Variants in SMOC2 observed in about 807,000 individuals in gnomAD.
The protein encoded by SMOC2 is SPARC-related modular calcium-binding protein 2.
A neutral mutation model predicts 61.4 loss-of-function variants in SMOC2; 39 were observed. The ratio of observed to expected loss-of-function variants is 0.64; its 90% CI spans 0.49 to 0.83. The LOEUF (loss-of-function observed/expected upper bound fraction) is 0.83, where lower values mean the gene tolerates loss of function less well. Ranked by LOEUF, SMOC2 falls within the 40% of genes least tolerant of loss-of-function variation. SMOC2 has a pLI of 0.00. For synonymous variants in SMOC2, 247 were observed against 239.9 expected (o/e 1.03, Z -0.27); for missense variants, 556 against 592.9 (o/e 0.94, Z 0.65).
intron 9 of SMOC2, among the ~76,000 whole-genome samples, chr6:168,649,072 G>A (rs1787124820): frequency 6.6e-6 from 1 of 152,130 alleles, no homozygotes; most frequent in Non-Finnish European, 1.5e-5. Context: ...TGTTGCCTGA[G>A]GAGTCCAGAG....
chr6:168,494,175 C>T (rs536158405), intron 1 of SMOC2, among the ~76,000 whole-genome samples: 6 of 152,314 alleles, frequency 3.9e-5, no homozygotes, highest in Admixed American at 2.6e-4. Flanking sequence ...TCCTTCTACA[C>T]GCTCTGAGTG....
At chr6:168,617,788 T>C (rs1203026234) in intron 9 of SMOC2, among the ~76,000 whole-genome samples, 1 of 152,256 alleles carries the variant, frequency 6.6e-6, no homozygotes, top group East Asian at 1.9e-4. Context: ...TTGTGACCGA[T>C]GGGGCCCCTC....
chr6:168,534,363 A>G (rs1206379049), intron 4 of SMOC2, among the ~76,000 whole-genome samples: 2 of 152,258 alleles, frequency 1.3e-5, no homozygotes, highest in Non-Finnish European at 2.9e-5. Context: ...AAAGAAAAAG[A>G]CCACAGGGTG....
chr6:168,574,760 C>A (rs774258984), intron 7 of SMOC2, among the ~76,000 whole-genome samples: 1 of 152,104 alleles, frequency 6.6e-6, no homozygotes, highest in Admixed American at 6.5e-5. Context: ...CCCTGAAGAC[C>A]GGCACATTCC....
chr6:168,537,266 C>T (rs1783754775), intron 4 of SMOC2, among the ~76,000 whole-genome samples: 1 of 152,210 alleles, frequency 6.6e-6, no homozygotes, highest in Admixed American at 6.5e-5. Context: ...AGTCTGCAGG[C>T]TGTGAGAAGA....
rs1466417988 is a variant in SMOC2 at position 168,471,369 on chromosome 6, C to A, written c.84+29915C>A. ...TCTTTTTGTGACAGGCTTACTTCAC[C>A]TGGCATAATGGCCTCAAGGTTCATT... On this transcript the variant is annotated intron_variant, in intron 1 of 12. Transcript: ENST00000356284. Among the ~76,000 whole-genome samples the A allele has an allele frequency of 2.0e-5, 3 of 152,198 alleles. No individual in the cohort carries two copies. In the East Asian group the frequency reaches 5.8e-4, roughly 29 times the overall value.
chr6:168,647,452 G>T (rs1787064835), intron 9 of SMOC2, among the ~76,000 whole-genome samples: 1 of 152,220 alleles, frequency 6.6e-6, no homozygotes, highest in South Asian at 2.1e-4. Flanking sequence ...TGGGCCAGAG[G>T]AGTTACAGCA....
At position 168,586,844 on chromosome 6, in the gene SMOC2, T is replaced by C. The variant is rs534556242; in HGVS notation, c.638-11974T>C. On this transcript the variant is annotated intron_variant, in intron 7 of 12. Transcript: ENST00000356284. ...CTTAGGACTTTGTCATTTTCACTTATTAATTTTAGCAGCTTTTGCTTTGCA... is the reference window on the plus strand; with the variant it reads ...CTTAGGACTTTGTCATTTTCACTTACTAATTTTAGCAGCTTTTGCTTTGCA... Among the ~76,000 whole-genome samples, 6 of 152,360 alleles carry C rather than the reference T, an allele frequency of 3.9e-5. No homozygotes were observed. In the South Asian group the frequency reaches 1.2e-3, roughly 32 times the overall value.
intron 1 of SMOC2, among the ~76,000 whole-genome samples, chr6:168,458,676 CT>C (rs1441704795): frequency 6.6e-6 from 1 of 152,108 alleles, no homozygotes; most frequent in Admixed American, 6.5e-5. Context: ...GGCCGTCTTC[CT>C]GCTCGAGATG....
At chr6:168,474,215 C>G (rs1782029700) in intron 1 of SMOC2, among the ~76,000 whole-genome samples, 1 of 152,154 alleles carries the variant, frequency 6.6e-6, no homozygotes, top group African/African-American at 2.4e-5. Flanking sequence ...CTCGCAGGTT[C>G]CTGCACGTTT....
chr6:168,537,098 T>C (rs4708474), intron 4 of SMOC2, among the ~76,000 whole-genome samples: 101,117 of 152,234 alleles, frequency 0.66, 36,520 homozygotes, highest in Non-Finnish European at 0.8. Context: ...AAGGAGACCC[T>C]GACTGGTCCA....
At chr6:168,520,148 G>A (rs982997233) in intron 2 of SMOC2, among the ~76,000 whole-genome samples, 6 of 152,136 alleles carry the variant, frequency 3.9e-5, no homozygotes, top group Admixed American at 6.5e-5. Flanking sequence ...GGTTGGGGGC[G>A]CTTATCACAG....
At chr6:168,490,838 C>T (rs1428111864) in intron 1 of SMOC2, among the ~76,000 whole-genome samples, 1 of 152,202 alleles carries the variant, frequency 6.6e-6, no homozygotes, top group East Asian at 1.9e-4. Context: ...TTTGGATTCC[C>T]GCTCAGCACT....
intron 9 of SMOC2, among the ~76,000 whole-genome samples, chr6:168,640,318 C>T (rs1786862846): frequency 6.6e-6 from 1 of 152,064 alleles, no homozygotes; most frequent in Non-Finnish European, 1.5e-5. Flanking sequence ...GTCAGCCTGA[C>T]TGTCAGCTGG....
chr6:168,623,243 C>T (rs1441753040), intron 9 of SMOC2, among the ~76,000 whole-genome samples: 2 of 151,878 alleles, frequency 1.3e-5, no homozygotes, highest in Non-Finnish European at 2.9e-5. Flanking sequence ...ACAGAGCAGG[C>T]TGGAGGGCTG....
chr6:168,444,010 G>A (rs1437438216), intron 1 of SMOC2, among the ~76,000 whole-genome samples: 1 of 152,224 alleles, frequency 6.6e-6, no homozygotes, highest in Non-Finnish European at 1.5e-5. Flanking sequence ...TTTTGATGGT[G>A]CCCATGCCGT....
intron 2 of SMOC2, among the ~76,000 whole-genome samples, chr6:168,522,842 T>C (rs1783360583): frequency 6.6e-6 from 1 of 152,100 alleles, no homozygotes; most frequent in Non-Finnish European, 1.5e-5. Flanking sequence ...TGATAGGAAA[T>C]GCCCAGAATA....
In SMOC2 at chr6:168,475,343, CT is replaced by C. The variant is rs1477207226; in HGVS notation, c.84+33890del. On this transcript the variant is annotated intron_variant, in intron 1 of 12. Coordinates refer to ENST00000356284, the MANE Select transcript of SMOC2 (RefSeq NM_001166412.2). This position sits in a 1 kb window ranked among gnomAD's most constrained non-coding sequence, Gnocchi z 4.6. ...TCTGTGGACGTAGATTAAATTCACTCTCATTTATTCCTGAAGCATTTGGAGA... is the reference window on the plus strand; with the variant it reads ...TCTGTGGACGTAGATTAAATTCACTCCATTTATTCCTGAAGCATTTGGAGA... Among the ~76,000 whole-genome samples, 4 of 152,114 alleles carry C rather than the reference CT, an allele frequency of 2.6e-5. No individual in the cohort carries two copies. Among genetic ancestry groups the C allele is most frequent in the African/African-American group, 9.7e-5 (4 of 41,426 alleles).
At chr6:168,518,855 CCTT>C (rs1280936071) in intron 2 of SMOC2, among the ~76,000 whole-genome samples, 2 of 143,250 alleles carry the variant, frequency 1.4e-5, no homozygotes, top group African/African-American at 2.6e-5. Flanking sequence ...GTGTGTGCCT[CCTT>C]GTGTATGAAT....
Sources: allele counts gnomAD v4.1 joint callset (sites outside exome capture counted in the v4.1 genomes callset), GRCh38; gene constraint gnomAD v4.1.1; non-coding constraint Gnocchi (gnomAD v3.1); transcripts MANE v1.5; gene names NCBI Gene and HGNC (gene_info 2026-07-23, HGNC 2026-07-21).